The following ADPGK variants were observed in gnomAD, a reference collection of about 807,000 sequenced individuals.
ADPGK encodes the protein ADP-dependent glucokinase.
Under a neutral mutation model 42.4 loss-of-function variants are expected in ADPGK, and 26 were observed. The observed-to-expected ratio is 0.61, with a 90% CI of 0.45 to 0.85. The LOEUF (loss-of-function observed/expected upper bound fraction) is 0.85, where lower values mean the gene tolerates loss of function less well. Among genes scored for constraint, ADPGK ranks in the 40% least tolerant of loss-of-function variants. ADPGK has a pLI of 0.00. For missense variants in ADPGK, 571 were observed against 627.0 expected, an observed-to-expected ratio of 0.91 and a Z score of 0.95; for synonymous variants, 267 against 252.6, an observed-to-expected ratio of 1.06 and a Z score of -0.54.
At position 72,755,540 on chromosome 15, in the gene ADPGK, G is replaced by T. The variant is rs79189970; in HGVS notation, c.939+16C>A. 1 of 1,594,116 alleles carries T rather than the reference G, an allele frequency of 6.3e-7. No individual in the cohort carries two copies. Among genetic ancestry groups the T allele is most frequent in the East Asian group, 2.2e-5 (1 of 44,762 alleles). On this transcript the variant is annotated intron_variant, in intron 6 of 6. Coordinates refer to ENST00000456471, the MANE Select transcript of ADPGK (RefSeq NM_001365225.1). ...TCTATGAGGATCAGGGCCAAACGAT[G>T]GTCCCATGAGGTTACCTGATGGACA...
In ADPGK at chr15:72,760,517, C is replaced by A; in HGVS notation, c.533G>T (p.Cys178Phe). The change falls in exon 4 of 7, where the codon TGC becomes TTC. Residue 178 changes from cysteine (C) to phenylalanine (F), a missense_variant. By Grantham distance (205) the Cys-to-Phe change is radical. Coordinates refer to ENST00000456471, the MANE Select transcript of ADPGK (RefSeq NM_001365225.1). ...AANSDLKVLL[C>F]GPVGPKLHEL... The stretch of plus-strand genomic sequence containing the variant: ...ATGTAGCTTTGGACCAACTGGACCG[C>A]AAAGAAGAACCTGGAGGCAAGCAAC... The A allele has an allele frequency of 6.2e-7, 1 of 1,601,840 alleles. No homozygotes were observed. Among genetic ancestry groups the A allele is most frequent in the Non-Finnish European group, 8.5e-7 (1 of 1,170,592 alleles).
intron 6 of ADPGK, among the ~76,000 whole-genome samples, chr15:72,754,046 C>G (rs1217282552): frequency 6.7e-6 from 1 of 148,418 alleles, no homozygotes; most frequent in Non-Finnish European, 1.5e-5. Flanking sequence ...GGATTCTGCT[C>G]TATTTTGCTA....
chr15:72,753,209 GCA>G (rs1190131942), intron 6 of ADPGK, among the ~76,000 whole-genome samples: 1 of 152,176 alleles, frequency 6.6e-6, no homozygotes, highest in East Asian at 1.9e-4. Flanking sequence ...TTTTGCCACT[GCA>G]CACATAGGAG....
intron 1 of ADPGK, among the ~76,000 whole-genome samples, chr15:72,780,699 G>A (rs2066446924): frequency 6.6e-6 from 1 of 152,170 alleles, no homozygotes; most frequent in African/African-American, 2.4e-5. Flanking sequence ...GGGACACTGA[G>A]CATGACAGGT....
chr15:72,777,656 C>A (rs2066406284), intron 1 of ADPGK, among the ~76,000 whole-genome samples: 2 of 151,796 alleles, frequency 1.3e-5, no homozygotes, highest in African/African-American at 4.8e-5. Flanking sequence ...CCAGCCTGGG[C>A]AACAGAGCAA....
Position 72,752,476 on chromosome 15 carries a change from T to C in ADPGK, c.1359A>G (p.Val453=), listed in dbSNP as rs1219723467. The C allele has an allele frequency of 1.9e-6, 3 of 1,614,224 alleles. No homozygotes were observed. In the South Asian group the frequency reaches 3.3e-5, roughly 18 times the overall value. The change falls in exon 7 of 7, where the codon GTA becomes GTG. Residue 453 remains valine, a synonymous_variant. Transcript: ENST00000456471. ...RIVLNPNKPV[V]EWHREGISFH... is the part of the protein sequence containing the mutation. ...AGGATATTCCCTCTCTGTGCCATTC[T>C]ACTACTGGCTTGTTTGGGTTTAATA... is the stretch of plus-strand genomic sequence containing the variant.
chr15:72,774,676 C>T (rs1312882538), intron 2 of ADPGK, among the ~76,000 whole-genome samples, 196 bp downstream of exon 2: 2 of 152,140 alleles, frequency 1.3e-5, no homozygotes, highest in African/African-American at 4.8e-5. Context: ...ATCTGTGTTT[C>T]AACAGCCTCT....
intron 6 of ADPGK, 109 bp downstream of exon 6, chr15:72,755,447 A>G (rs1397290869): frequency 2.6e-5 from 20 of 759,676 alleles, no homozygotes; most frequent in Non-Finnish European, 4.0e-5. Flanking sequence ...ACAAACCTAC[A>G]TGTCAGTGAG....
Position 72,752,607 on chromosome 15 carries a change from C to T in ADPGK, c.1228G>A (p.Ala410Thr). 6.2e-7 allele frequency: 1 copy of T among 1,614,246 alleles called. No homozygotes were observed. Among genetic ancestry groups the T allele is most frequent in the East Asian group, 2.2e-5 (1 of 44,888 alleles). ...LAAVAAGARVAGTQACATETI... is the reference protein window; with the variant it reads ...LAAVAAGARVTGTQACATETI... Reference sequence around the variant, plus strand: ...TCTGTGGCGCAGGCCTGTGTCCCAGCCACACGAGCTCCTGCAGCCACGGCT... The same window carrying T: ...TCTGTGGCGCAGGCCTGTGTCCCAGTCACACGAGCTCCTGCAGCCACGGCT... Residue 410 changes from alanine (A) to threonine (T), a missense_variant, in exon 7 of 7, where the codon GCT becomes ACT. This residue lies in a region of ADPGK where 434 missense variants were observed against 522.7 expected (regional missense o/e 0.83). Coordinates refer to ENST00000456471, the MANE Select transcript of ADPGK (RefSeq NM_001365225.1).
At chr15:72,764,996 G>GA (rs56080191) in intron 3 of ADPGK, among the ~76,000 whole-genome samples, 267 of 136,604 alleles carry the variant, frequency 2.0e-3, no homozygotes, top group Admixed American at 3.9e-3. Context: ...CTACTGCTCA[G>GA]AAAAAAAAAA....
intron 5 of ADPGK, 126 bp from the exon 6 acceptor site, chr15:72,755,780 C>A: frequency 1.4e-6 from 1 of 724,968 alleles, no homozygotes; most frequent in Non-Finnish European, 2.4e-6. Flanking sequence ...CTCACGGGAG[C>A]TACAAGCAAT....
Position 72,783,687 on chromosome 15 carries a change from G to C in ADPGK, c.5C>G (p.Ala2Gly). The C allele has an allele frequency of 4.0e-6, 6 of 1,481,944 alleles. No individual in the cohort carries two copies. The highest frequency in any genetic ancestry group is 2.9e-5 in the African/African-American group (2 of 68,328). The allele number at this position is 1,481,944 out of a possible 1,614,324, so 91.8% of individuals were successfully genotyped here. A position where few individuals can be genotyped will look rare whatever the true frequency, so the allele number is the denominator to read the frequency against. ...CGCGTACGCGGAGCCGCGCCACAGC[G>C]CCATGGGGACCCAGGCGCCGCACCT... MALWRGSAYAGF... is the reference protein window; with the variant it reads MGLWRGSAYAGF... The change falls in exon 1 of 7, where the codon GCG becomes GGG. Residue 2 changes from alanine (A) to glycine (G), a missense_variant. Transcript: ENST00000456471.
At position 72,783,650 on chromosome 15, in the gene ADPGK, C is replaced by G; in HGVS notation, c.42G>C (p.Ala14=). The G allele has an allele frequency of 6.6e-7, 1 of 1,509,306 alleles. No individual in the cohort carries two copies. Among genetic ancestry groups the G allele is most frequent in the Non-Finnish European group, 8.8e-7 (1 of 1,136,614 alleles). 93.5% of individuals were successfully genotyped at this position (1,509,306 alleles called of 1,614,324 possible). A position where few individuals can be genotyped will look rare whatever the true frequency, so the allele number is the denominator to read the frequency against. The change falls in exon 1 of 7, where the codon GCG becomes GCC. Residue 14 remains alanine, a synonymous_variant. Transcript: ENST00000456471. ...GCAGGAAGACGCAGCCCACGGCCAG[C>G]GCCAGGAAGCCCGCGTACGCGGAGC... The part of the protein sequence containing the change: ...WRGSAYAGFL[A]LAVGCVFLLE...
chr15:72,775,045 G>T lies in ADPGK; in HGVS notation c.286C>A (p.Leu96Ile). The T allele has an allele frequency of 6.2e-7, 1 of 1,614,180 alleles. No individual in the cohort carries two copies. Among genetic ancestry groups the T allele is most frequent in the Non-Finnish European group, 8.5e-7 (1 of 1,180,042 alleles). Reference sequence around the variant, plus strand: ...TTCCCATTCCCAGGACTAAGGCCAAGTGCCTGCAAGAGCTTCACCCCTGAG... The same window carrying T: ...TTCCCATTCCCAGGACTAAGGCCAATTGCCTGCAAGAGCTTCACCCCTGAG... ...VLSGVKLLQALGLSPGNGKDH... is the reference protein window; with the variant it reads ...VLSGVKLLQAIGLSPGNGKDH... Residue 96 changes from leucine (L) to isoleucine (I), a missense_variant, in exon 2 of 7, where the codon CTT (leucine) becomes ATT (isoleucine). Coordinates refer to ENST00000456471, the MANE Select transcript of ADPGK (RefSeq NM_001365225.1).
intron 5 of ADPGK, chr15:72,755,960 A>G (rs991751314): frequency 9.2e-6 from 6 of 654,512 alleles, no homozygotes; most frequent in African/African-American, 8.9e-5. Context: ...TACAAATAAC[A>G]CAAAGGACAC....
At chr15:72,783,129 A>C in intron 1 of ADPGK, 1 of 887,554 alleles carries the variant, frequency 1.1e-6, no homozygotes, top group Non-Finnish European at 1.4e-6. Flanking sequence ...AGTATCTTTG[A>C]TTGCAAAACA....
intron 4 of ADPGK, among the ~76,000 whole-genome samples, chr15:72,759,282 C>T (rs990884470): frequency 2.0e-5 from 3 of 152,186 alleles, no homozygotes; most frequent in Non-Finnish European, 1.5e-5. Context: ...CGCACACCAA[C>T]CAATCTCTTA....
At chr15:72,774,543 A>G (rs906565608) in intron 2 of ADPGK, among the ~76,000 whole-genome samples, 1 of 152,196 alleles carries the variant, frequency 6.6e-6, no homozygotes, top group African/African-American at 2.4e-5. Context: ...TACCTTGCAG[A>G]CCAGTGGTTC....
intron 2 of ADPGK, among the ~76,000 whole-genome samples, chr15:72,772,654 G>A (rs1181183579): frequency 2.0e-5 from 3 of 152,122 alleles, no homozygotes; most frequent in South Asian, 2.1e-4. Context: ...GGCAGGGACT[G>A]TCTTCTTCTG....
Sources: allele counts gnomAD v4.1 joint callset (sites outside exome capture counted in the v4.1 genomes callset), GRCh38; gene constraint gnomAD v4.1.1; regional missense constraint gnomAD v4.1.1; transcripts MANE v1.5; gene names NCBI Gene and HGNC (gene_info 2026-07-23, HGNC 2026-07-21).